Variants in GABRA4 observed in about 807,000 individuals in gnomAD.
The protein encoded by GABRA4 is gamma-aminobutyric acid type A receptor subunit alpha4, also known as gamma-aminobutyric acid receptor subunit alpha-4.
Under a neutral mutation model 49.7 loss-of-function variants are expected in GABRA4, and 12 were observed. The ratio of observed to expected loss-of-function variants is 0.24; its 90% CI spans 0.15 to 0.39. The LOEUF (loss-of-function observed/expected upper bound fraction) is 0.39. GABRA4 is among the 10% of genes least tolerant of loss of function. The probability of loss-of-function intolerance (pLI) is 1.00; values close to 1 mark genes in which losing one functional copy is unlikely to be tolerated. For synonymous variants in GABRA4, 288 were observed against 240.2 expected (o/e 1.20, Z -1.84); for missense variants, 506 against 686.0 (o/e 0.74, Z 2.93).
intron 8 of GABRA4, among the ~76,000 whole-genome samples, chr4:46,948,740 G>A (rs1722065002): frequency 6.6e-6 from 1 of 151,990 alleles, no homozygotes; most frequent in South Asian, 2.1e-4. Context: ...CAACAAATAT[G>A]ATGAAACGTT....
intron 2 of GABRA4, among the ~76,000 whole-genome samples, chr4:46,979,707 G>A (rs552075466): frequency 2.0e-5 from 3 of 152,128 alleles, no homozygotes; most frequent in Admixed American, 1.3e-4. Context: ...CTCCTCAATA[G>A]TAGCCACCAC....
intron 2 of GABRA4, among the ~76,000 whole-genome samples, chr4:46,989,590 C>T (rs1236003413): frequency 1.3e-5 from 2 of 152,212 alleles, no homozygotes; most frequent in Non-Finnish European, 2.9e-5. Context: ...ATTTCCCTAT[C>T]GCAAGCTGTG....
chr4:46,919,457 A>G lies in GABRA4; in HGVS notation c.*8768T>C, dbSNP rs1474155574. Reference sequence around the variant, plus strand: ...AGGAAGTAATTTTCCCATAAAATCAAAACACCTCTATCTCCTATCAAACCT... The same window carrying G: ...AGGAAGTAATTTTCCCATAAAATCAGAACACCTCTATCTCCTATCAAACCT... On this transcript the variant is annotated 3_prime_UTR_variant, in exon 9 of 9. Coordinates refer to ENST00000264318, the MANE Select transcript of GABRA4 (RefSeq NM_000809.4). 1 of 151,532 alleles carries G rather than the reference A, an allele frequency of 6.6e-6. No homozygotes were observed. Among genetic ancestry groups the G allele is most frequent in the Non-Finnish European group, 1.5e-5 (1 of 67,542 alleles). 9.4% of individuals were successfully genotyped at this position (151,532 alleles called of 1,614,324 possible).
chr4:46,986,254 A>C (rs1201034033), intron 2 of GABRA4, among the ~76,000 whole-genome samples: 3 of 152,000 alleles, frequency 2.0e-5, no homozygotes, highest in African/African-American at 7.2e-5. Context: ...AATGCCCAGA[A>C]AAATCTTATT....
rs1721129046 is a variant in GABRA4, at chr4:46,924,160, C to T, written c.*4065G>A. On this transcript the variant is annotated 3_prime_UTR_variant, in exon 9 of 9. Coordinates refer to ENST00000264318, the MANE Select transcript of GABRA4 (RefSeq NM_000809.4). ...ATCTTTTATCCACCTCTATCTAGATCAGTGCTATGCTGAGCAATTTTGGAG... is the reference window on the plus strand; with the variant it reads ...ATCTTTTATCCACCTCTATCTAGATTAGTGCTATGCTGAGCAATTTTGGAG... 6.6e-6 allele frequency: 1 copy of T among 152,074 alleles called. No homozygotes were observed. Among genetic ancestry groups the T allele is most frequent in the Non-Finnish European group, 1.5e-5 (1 of 67,988 alleles). The allele number at this position is 152,074 out of a possible 1,614,324, so 9.4% of individuals were successfully genotyped here.
chr4:46,964,740 TCAAA>T (rs1241356436), intron 8 of GABRA4, among the ~76,000 whole-genome samples: 3 of 151,846 alleles, frequency 2.0e-5, no homozygotes, highest in Non-Finnish European at 2.9e-5. Context: ...AAAGAAACTT[TCAAA>T]CAATTAGCTT....
intron 2 of GABRA4, 120 bp from the exon 3 acceptor site, chr4:46,979,218 A>G (rs1723262903): frequency 6.3e-6 from 4 of 629,924 alleles, no homozygotes; most frequent in East Asian, 5.8e-5. Context: ...AGCATCTTAC[A>G]TTTTCAGTGA....
chr4:46,930,273 A>T (rs963873078), intron 8 of GABRA4, among the ~76,000 whole-genome samples: 2 of 152,082 alleles, frequency 1.3e-5, no homozygotes, highest in African/African-American at 4.8e-5. Context: ...TCAACCTGAA[A>T]GCTGAAGAAC....
Position 46,970,946 on chromosome 4 carries a change from A to T in GABRA4, c.874+137T>A, listed in dbSNP as rs111913412. ...AGCTTTATTACTTTGTACTGGCTAG[A>T]TAAAAATGAAAGCCATGTGATTCCT... On this transcript the variant is annotated intron_variant, in intron 7 of 8. Transcript: ENST00000264318. 5.5e-4 allele frequency: 426 copies of T among 768,196 alleles called. 2 individuals are homozygous for T. In the African/African-American group the frequency reaches 6.4e-3, roughly 11 times the overall value. 47.6% of individuals were successfully genotyped at this position (768,196 alleles called of 1,614,324 possible). A position where few individuals can be genotyped will look rare whatever the true frequency, so the allele number is the denominator to read the frequency against.
intron 4 of GABRA4, 79 bp downstream of exon 4, chr4:46,977,331 A>C: frequency 1.2e-6 from 1 of 813,268 alleles, no homozygotes; most frequent in South Asian, 2.0e-5. Context: ...GGAGGGAGGA[A>C]GGAAGGAAGG....
chr4:46,953,663 G>T (rs1340323032), intron 8 of GABRA4, among the ~76,000 whole-genome samples: 1 of 152,150 alleles, frequency 6.6e-6, no homozygotes, highest in Admixed American at 6.6e-5. Context: ...AAAAGTAGAT[G>T]ATCTAAAAAA....
intron 2 of GABRA4, among the ~76,000 whole-genome samples, chr4:46,987,888 A>T (rs1723597434): frequency 6.6e-6 from 1 of 152,108 alleles, no homozygotes; most frequent in African/African-American, 2.4e-5. Flanking sequence ...AATTGCTTCC[A>T]GGTTCACTAA....
At chr4:46,991,572 G>A (rs958408815) in intron 2 of GABRA4, among the ~76,000 whole-genome samples, 2 of 152,132 alleles carry the variant, frequency 1.3e-5, no homozygotes, top group Non-Finnish European at 1.5e-5. Flanking sequence ...CTCAATAGGA[G>A]GTATAAAGTT....
intron 8 of GABRA4, among the ~76,000 whole-genome samples, chr4:46,942,291 T>A (rs1721830269): frequency 6.6e-6 from 1 of 152,124 alleles, no homozygotes; most frequent in Non-Finnish European, 1.5e-5. Flanking sequence ...GGAAAAATAG[T>A]CTACAATTAT....
chr4:46,991,150 C>A (rs537450967), intron 2 of GABRA4, among the ~76,000 whole-genome samples: 25 of 152,108 alleles, frequency 1.6e-4, no homozygotes, highest in Non-Finnish European at 3.1e-4. Context: ...CACGCCATTG[C>A]ACTCCAGCCT....
chr4:46,939,506 C>A (rs1023056356), intron 8 of GABRA4, among the ~76,000 whole-genome samples: 2 of 151,984 alleles, frequency 1.3e-5, no homozygotes, highest in African/African-American at 4.8e-5. Flanking sequence ...CTCTCTCTCC[C>A]AGCATGATAC....
intron 2 of GABRA4, among the ~76,000 whole-genome samples, chr4:46,979,893 C>T (rs377050567): frequency 6.6e-6 from 1 of 152,088 alleles, no homozygotes. Flanking sequence ...AAGAAGCACA[C>T]TGGTGTTTTG....
chr4:46,947,755 G>T, intron 8 of GABRA4, among the ~76,000 whole-genome samples: 1 of 152,054 alleles, frequency 6.6e-6, no homozygotes, highest in East Asian at 1.9e-4. Context: ...GGTTGTATGT[G>T]ACTTAAAAGC....
At chr4:46,988,110 T>C (rs1723607021) in intron 2 of GABRA4, among the ~76,000 whole-genome samples, 1 of 152,190 alleles carries the variant, frequency 6.6e-6, no homozygotes, top group Non-Finnish European at 1.5e-5. Context: ...ATTACTTTTC[T>C]CTTACTCTTT....
Sources: gnomAD v4.1 joint callset for allele counts (sites outside exome capture counted in the v4.1 genomes callset) on GRCh38, gnomAD v4.1.1 for gene constraint, MANE v1.5 for transcripts, NCBI Gene and HGNC (gene_info 2026-07-23, HGNC 2026-07-21) for gene names.